Variants in PTPRG observed in about 807,000 individuals in gnomAD.
PTPRG encodes protein tyrosine phosphatase receptor type G, also known as receptor-type tyrosine-protein phosphatase gamma.
In PTPRG, 102 loss-of-function variants were observed where a neutral mutation model predicts 165.3. The ratio of observed to expected loss-of-function variants is 0.62; its 90% CI spans 0.53 to 0.73. The LOEUF (loss-of-function observed/expected upper bound fraction) is 0.73, where lower values mean the gene tolerates loss of function less well. Among genes scored for constraint, PTPRG ranks in the 30% least tolerant of loss-of-function variants. The pLI, the probability that PTPRG is intolerant of heterozygous loss-of-function variation, is 0.00. For missense variants in PTPRG, 1,866 were observed against 1,861.4 expected, an observed-to-expected ratio of 1.00 and a Z score of -0.05; for synonymous variants, 675 against 669.5, an observed-to-expected ratio of 1.01 and a Z score of -0.13.
chr3:61,570,795 C>T (rs956274789), intron 1 of PTPRG, among the ~76,000 whole-genome samples: 2 of 152,236 alleles, frequency 1.3e-5, no homozygotes, highest in East Asian at 1.9e-4. Context: ...ATTTACAAAG[C>T]GGTGGTTATT....
intron 1 of PTPRG, among the ~76,000 whole-genome samples, chr3:61,571,064 C>G (rs1190046327): frequency 6.6e-6 from 1 of 152,084 alleles, no homozygotes; most frequent in Non-Finnish European, 1.5e-5. Flanking sequence ...TGGGCCTCAC[C>G]CTTTTAATCT....
intron 1 of PTPRG, among the ~76,000 whole-genome samples, chr3:61,614,603 G>A (rs1279769389): frequency 6.6e-6 from 1 of 151,638 alleles, no homozygotes; most frequent in Non-Finnish European, 1.5e-5. Flanking sequence ...TATGAGATGG[G>A]GTTTTAGCAT....
At chr3:62,106,026 C>T (rs1042542423) in intron 5 of PTPRG, among the ~76,000 whole-genome samples, 8 of 152,174 alleles carry the variant, frequency 5.3e-5, no homozygotes, top group South Asian at 2.1e-4. Context: ...GACTGTATCA[C>T]AGTAACTGAT....
Position 62,120,161 on chromosome 3 carries a change from G to T in PTPRG, c.616-12441G>T, listed in dbSNP as rs535530191. Among the ~76,000 whole-genome samples the T allele has an allele frequency of 5.9e-5, 9 of 152,196 alleles. No homozygotes were observed. The East Asian group carries it at 1.2e-3, about 20-fold the overall frequency. The stretch of plus-strand genomic sequence containing the variant: ...GGCAGCCAGGGTAAAACAACTACTG[G>T]TCTATCAGGCAGAGAAAGAATTGGA... On this transcript the variant is annotated intron_variant, in intron 5 of 29. Transcript: ENST00000474889.
At chr3:62,056,022 G>T (rs1183352482) in intron 4 of PTPRG, among the ~76,000 whole-genome samples, 2 of 152,194 alleles carry the variant, frequency 1.3e-5, no homozygotes, top group African/African-American at 2.4e-5. Context: ...GCAGTAGAGA[G>T]AATTCAAATC....
At chr3:61,670,000 C>A (rs898288578) in intron 1 of PTPRG, among the ~76,000 whole-genome samples, 1 of 152,182 alleles carries the variant, frequency 6.6e-6, no homozygotes, top group African/African-American at 2.4e-5. Flanking sequence ...CCCACCCTGG[C>A]TCACTAGCTG....
At chr3:62,062,494 A>C (rs2106694892) in intron 4 of PTPRG, among the ~76,000 whole-genome samples, 1 of 152,332 alleles carries the variant, frequency 6.6e-6, no homozygotes, top group Non-Finnish European at 1.5e-5. Flanking sequence ...TGAAACAATA[A>C]GAAAATGGGA....
At chr3:61,859,184 A>C (rs1199819007) in intron 2 of PTPRG, among the ~76,000 whole-genome samples, 2 of 152,154 alleles carry the variant, frequency 1.3e-5, no homozygotes, top group Non-Finnish European at 2.9e-5. Context: ...AATGTTTTAA[A>C]GCTTTTATTA....
chr3:61,784,798 G>T (rs1381249716), intron 2 of PTPRG, among the ~76,000 whole-genome samples: 5 of 152,022 alleles, frequency 3.3e-5, no homozygotes, highest in African/African-American at 9.7e-5. Context: ...GCATATCCTT[G>T]ACCTTTTTTG....
rs1053830536 is a variant in PTPRG, at chr3:61,900,796, T to TA, written c.191-88818dup. Among the ~76,000 whole-genome samples, 653 of 148,068 alleles carry TA rather than the reference T, an allele frequency of 4.4e-3. 3 individuals are homozygous for TA. Among genetic ancestry groups the TA allele is most frequent in the African/African-American group, 0.014 (584 of 40,456 alleles). On this transcript the variant is annotated intron_variant, in intron 2 of 29. Transcript: ENST00000474889. ...TGTCACTATATGTGTGTACTGTAGT[T>TA]AAAAAAAAAAATCGTAGGTGGCAGT...
intron 2 of PTPRG, among the ~76,000 whole-genome samples, chr3:61,847,788 G>C (rs1162211239): frequency 6.6e-6 from 1 of 152,226 alleles, no homozygotes; most frequent in African/African-American, 2.4e-5. Context: ...TGGTCAACAT[G>C]TCCAGATATT....
chr3:61,722,140 G>A (rs1298640899), intron 1 of PTPRG, among the ~76,000 whole-genome samples: 2 of 152,148 alleles, frequency 1.3e-5, no homozygotes, highest in Non-Finnish European at 2.9e-5. Flanking sequence ...CAAAGATGGA[G>A]GGGCTGGCGT....
intron 5 of PTPRG, among the ~76,000 whole-genome samples, chr3:62,100,595 C>CA (rs1285646370): frequency 2.7e-5 from 4 of 150,204 alleles, no homozygotes; most frequent in Non-Finnish European, 3.0e-5. Context: ...AATCATAAGC[C>CA]AAAAAAACAA....
intron 17 of PTPRG, chr3:62,263,390 T>C (rs1336845548): frequency 1.3e-5 from 2 of 154,350 alleles, no homozygotes; most frequent in South Asian, 2.0e-4. Flanking sequence ...CACATTTCCA[T>C]GGTCAGGAAT....
intron 1 of PTPRG, among the ~76,000 whole-genome samples, chr3:61,678,265 C>G (rs994134305): frequency 6.6e-6 from 1 of 152,088 alleles, no homozygotes; most frequent in Non-Finnish European, 1.5e-5. Flanking sequence ...GAAAACTGTT[C>G]TGAATACTTG....
chr3:61,662,798 G>T (rs1702701988), intron 1 of PTPRG, among the ~76,000 whole-genome samples: 1 of 152,156 alleles, frequency 6.6e-6, no homozygotes, highest in Admixed American at 6.5e-5. Context: ...AGGAAGATCT[G>T]TTCCAGTAGC....
chr3:62,192,190 C>T (rs1277245526), intron 9 of PTPRG, among the ~76,000 whole-genome samples: 1 of 152,046 alleles, frequency 6.6e-6, no homozygotes, highest in Non-Finnish European at 1.5e-5. Context: ...CTGCCAAACC[C>T]CTACAGCTGT....
intron 4 of PTPRG, among the ~76,000 whole-genome samples, chr3:62,010,815 T>C (rs1318172282): frequency 1.6e-4 from 25 of 151,964 alleles, no homozygotes; most frequent in Non-Finnish European, 1.5e-4. Context: ...ATTTCCAGTA[T>C]AACAGTTTTT....
chr3:61,667,831 T>C (rs1702852513), intron 1 of PTPRG, among the ~76,000 whole-genome samples: 2 of 152,146 alleles, frequency 1.3e-5, no homozygotes, highest in Non-Finnish European at 2.9e-5. Context: ...TACTAGTCTT[T>C]TAAGTCCATT....
Sources: gnomAD v4.1 joint callset for allele counts (sites outside exome capture counted in the v4.1 genomes callset) on GRCh38, gnomAD v4.1.1 for gene constraint, MANE v1.5 for transcripts, NCBI Gene and HGNC (gene_info 2026-07-23, HGNC 2026-07-21) for gene names.